The following THSD7B variants were observed in gnomAD, a reference collection of about 807,000 sequenced individuals.
The protein encoded by THSD7B is thrombospondin type 1 domain containing 7B, also known as thrombospondin type-1 domain-containing protein 7B.
A neutral mutation model predicts 213.6 loss-of-function variants in THSD7B; 138 were observed. The observed-to-expected ratio is 0.65, with a 90% CI of 0.56 to 0.74. The LOEUF is 0.74. THSD7B is among the 30% of genes least tolerant of loss of function. The probability of loss-of-function intolerance (pLI) is 0.00; values close to 1 mark genes in which losing one functional copy is unlikely to be tolerated. For missense variants in THSD7B, 1,931 were observed against 1,991.5 expected, an observed-to-expected ratio of 0.97 and a Z score of 0.58; for synonymous variants, 742 against 687.0, an observed-to-expected ratio of 1.08 and a Z score of -1.25.
intron 2 of THSD7B, among the ~76,000 whole-genome samples, chr2:136,915,076 A>C (rs1308843937): frequency 6.6e-6 from 1 of 152,162 alleles, no homozygotes; most frequent in Non-Finnish European, 1.5e-5. Flanking sequence ...CTTCGATGGG[A>C]GTTGGACTGT....
At chr2:137,330,730 G>A (rs1260092689) in intron 12 of THSD7B, among the ~76,000 whole-genome samples, 4 of 152,102 alleles carry the variant, frequency 2.6e-5, no homozygotes, top group African/African-American at 9.7e-5. Context: ...GACCCAAAGA[G>A]TGAGCAGCAG....
chr2:137,242,528 C>G lies in THSD7B; in HGVS notation c.2222C>G (p.Thr741Ser), dbSNP rs770579471. 16 of 1,613,788 alleles carry G rather than the reference C, an allele frequency of 9.9e-6. No individual in the cohort carries two copies. Among genetic ancestry groups the G allele is most frequent in the Non-Finnish European group, 1.4e-5 (16 of 1,179,832 alleles). Residue 741 changes from threonine to serine, a missense_variant, in exon 10 of 28, where the codon ACT becomes AGT. Physicochemically the swap from Thr to Ser is moderately conservative, Grantham distance 58. Coordinates refer to ENST00000409968, the MANE Select transcript of THSD7B (RefSeq NM_001316349.2). ...CCATGCAAAAAAGACTGTATTGTGA[C>G]TGCTTTCAGTGAGTGGACACCCTGC... ...FLPCKKDCIV[T>S]AFSEWTPCPR...
intron 12 of THSD7B, among the ~76,000 whole-genome samples, chr2:137,286,884 G>A (rs1413301615): frequency 6.6e-6 from 1 of 152,118 alleles, no homozygotes; most frequent in Admixed American, 6.6e-5. Flanking sequence ...TTCTAAGAGG[G>A]CAAAGCCATT....
chr2:137,277,490 T>G (rs568653674), intron 12 of THSD7B, among the ~76,000 whole-genome samples: 2 of 152,172 alleles, frequency 1.3e-5, no homozygotes, highest in East Asian at 3.9e-4. Flanking sequence ...CATTGCTACC[T>G]CTATCTTTTC....
intron 12 of THSD7B, among the ~76,000 whole-genome samples, chr2:137,328,110 G>C (rs182706626): frequency 6.6e-6 from 1 of 152,130 alleles, no homozygotes; most frequent in East Asian, 1.9e-4. Context: ...ACATAGCTGC[G>C]TGAAATTTGA....
intron 1 of THSD7B, among the ~76,000 whole-genome samples, chr2:136,872,972 G>A (rs907148516): frequency 6.0e-5 from 8 of 133,402 alleles, no homozygotes; most frequent in African/African-American, 1.7e-4. Flanking sequence ...GCAGTGAGCC[G>A]AGATCGCGCC....
At chr2:137,196,872 G>A (rs1004356696) in intron 7 of THSD7B, among the ~76,000 whole-genome samples, 4 of 152,052 alleles carry the variant, frequency 2.6e-5, no homozygotes, top group Non-Finnish European at 5.9e-5. Flanking sequence ...GGTCCCAAGC[G>A]TTTTGGATAA....
rs1683248660 is a variant in THSD7B, at chr2:137,656,974, C to T, written c.4279+5C>T. Reference sequence around the variant, plus strand: ...TAGAAACACGCCCTTGTACAGGTACCAAGAGCACTTTTCAGTTCTTTAGCC... The same window carrying T: ...TAGAAACACGCCCTTGTACAGGTACTAAGAGCACTTTTCAGTTCTTTAGCC... On this transcript the variant is annotated splice_donor_5th_base_variant and intron_variant, in intron 23 of 27. Transcript: ENST00000409968. 2 of 1,613,492 alleles carry T rather than the reference C, an allele frequency of 1.2e-6. No individual in the cohort carries two copies. The highest frequency in any genetic ancestry group is 2.2e-5 in the South Asian group (2 of 91,070).
At chr2:136,833,383 A>G (rs1487952947) in intron 1 of THSD7B, among the ~76,000 whole-genome samples, 4 of 146,490 alleles carry the variant, frequency 2.7e-5, no homozygotes, top group African/African-American at 1.0e-4. Context: ...AAAAAAAAAA[A>G]AAAGAGAGAG....
chr2:137,170,663 A>AT, intron 6 of THSD7B, 78 bp from the exon 7 acceptor site: 9 of 1,443,288 alleles, frequency 6.2e-6, no homozygotes, highest in Non-Finnish European at 7.5e-6. Flanking sequence ...AAAACTTTTC[A>AT]TCTCTCACCC....
intron 5 of THSD7B, among the ~76,000 whole-genome samples, chr2:137,123,641 C>A (rs2104946009): frequency 6.6e-6 from 1 of 152,226 alleles, no homozygotes; most frequent in Admixed American, 6.5e-5. Context: ...TCAATGAATG[C>A]ATGTTGAAAG....
chr2:137,150,439 C>G (rs1446844503), intron 5 of THSD7B, among the ~76,000 whole-genome samples: 1 of 152,082 alleles, frequency 6.6e-6, no homozygotes, highest in Non-Finnish European at 1.5e-5. Context: ...TACCTCCATG[C>G]TGTTCTCATG....
chr2:136,859,546 T>G (rs1055838870), intron 1 of THSD7B, among the ~76,000 whole-genome samples: 16 of 152,106 alleles, frequency 1.1e-4, no homozygotes, highest in African/African-American at 3.9e-4. Flanking sequence ...ATTTACAAAG[T>G]TCCTAGAGAT....
chr2:137,298,034 G>C (rs1359186844), intron 12 of THSD7B, among the ~76,000 whole-genome samples: 1 of 152,102 alleles, frequency 6.6e-6, no homozygotes, highest in African/African-American at 2.4e-5. Context: ...GAACAATTTG[G>C]AGGGCTCAGA....
intron 15 of THSD7B, among the ~76,000 whole-genome samples, chr2:137,523,500 A>G (rs1205499795): frequency 6.6e-6 from 1 of 152,212 alleles, no homozygotes; most frequent in Non-Finnish European, 1.5e-5. Flanking sequence ...TGTCATTTTC[A>G]AACTATGCTT....
At chr2:137,391,759 CTTT>C (rs1686033735) in intron 12 of THSD7B, among the ~76,000 whole-genome samples, 1 of 150,152 alleles carries the variant, frequency 6.7e-6, no homozygotes, top group Admixed American at 6.6e-5. Flanking sequence ...CTGATCTGAT[CTTT>C]TTATTTCTTT....
chr2:137,499,221 A>G (rs1490933266), intron 15 of THSD7B, among the ~76,000 whole-genome samples: 1 of 152,198 alleles, frequency 6.6e-6, no homozygotes, highest in Non-Finnish European at 1.5e-5. Context: ...TACAGAGGAC[A>G]TTTGCTTCTT....
At chr2:136,823,924 A>T (rs1308563424) in intron 1 of THSD7B, among the ~76,000 whole-genome samples, 3 of 152,166 alleles carry the variant, frequency 2.0e-5, no homozygotes, top group Non-Finnish European at 4.4e-5. Context: ...CTGGATTCCT[A>T]CCCTGAACAT....
At chr2:137,452,536 A>C (rs1272605594) in intron 15 of THSD7B, among the ~76,000 whole-genome samples, 1 of 152,182 alleles carries the variant, frequency 6.6e-6, no homozygotes, top group Non-Finnish European at 1.5e-5. Flanking sequence ...CTAAGCACTT[A>C]TAGTTATAAA....
Sources: allele counts gnomAD v4.1 joint callset (sites outside exome capture counted in the v4.1 genomes callset), GRCh38; gene constraint gnomAD v4.1.1; transcripts MANE v1.5; gene names NCBI Gene and HGNC (gene_info 2026-07-23, HGNC 2026-07-21).